The following DCAF6 variants were observed in gnomAD, a reference collection of about 807,000 sequenced individuals.
DCAF6 encodes the protein DDB1 and CUL4 associated factor 6.
In DCAF6, 54 loss-of-function variants were observed where a neutral mutation model predicts 125.1. The ratio of observed to expected loss-of-function variants is 0.43; its 90% CI spans 0.35 to 0.54. DCAF6 has a LOEUF of 0.54. DCAF6 is among the 20% of genes least tolerant of loss of function. The probability of loss-of-function intolerance (pLI) is 0.01; values close to 1 mark genes in which losing one functional copy is unlikely to be tolerated. For missense variants in DCAF6, 934 were observed against 1,161.7 expected (o/e 0.80, Z 2.85); for synonymous variants, 371 against 390.4 (o/e 0.95, Z 0.58).
chr1:167,947,826 A>C (rs1033044272), intron 1 of DCAF6, among the ~76,000 whole-genome samples: 1 of 152,176 alleles, frequency 6.6e-6, no homozygotes, highest in Non-Finnish European at 1.5e-5. Context: ...ATGCTGATGA[A>C]AATATTGTAT....
At chr1:168,074,215 C>T (rs1693526503) in intron 21 of DCAF6, among the ~76,000 whole-genome samples, 1 of 151,942 alleles carries the variant, frequency 6.6e-6, no homozygotes, top group Admixed American at 6.6e-5. Context: ...GTTCTTGGTG[C>T]TGTTGACCTA....
the DCAF6 span, among the ~76,000 whole-genome samples, chr1:167,882,552 A>G: frequency 6.6e-6 from 1 of 151,594 alleles, no homozygotes; most frequent in Admixed American, 6.6e-5. Flanking sequence ...CCTCCCTGCC[A>G]TGGATGAAAA....
In DCAF6 at chr1:167,958,891, A is replaced by G. The variant is rs78813840; in HGVS notation, c.159+7030A>G. Among the ~76,000 whole-genome samples, 818 of 152,314 alleles carry G rather than the reference A, an allele frequency of 5.4e-3. 22 individuals are homozygous for G. The highest frequency in any genetic ancestry group is 0.037 in the Admixed American group (566 of 15,300). ...AGCCTACATTAATACATCATAATCC[A>G]TCCAAAGTCCATAGTTTACAATAGG... On this transcript the variant is annotated intron_variant, in intron 2 of 21. Coordinates refer to ENST00000367840, the MANE Select transcript of DCAF6 (RefSeq NM_001198956.2).
chr1:167,870,441 CTCAA>C, the DCAF6 span: 1 of 1,563,580 alleles, frequency 6.4e-7, no homozygotes, highest in Non-Finnish European at 8.8e-7. Context: ...AAAGAGCAAA[CTCAA>C]TCAACGTAAA....
intron 1 of DCAF6, among the ~76,000 whole-genome samples, chr1:167,941,273 G>A (rs1052326702): frequency 6.6e-6 from 1 of 152,072 alleles, no homozygotes; most frequent in Non-Finnish European, 1.5e-5. Flanking sequence ...ATTCCTTAAG[G>A]CAGGACACCA....
At position 168,015,952 on chromosome 1, in the gene DCAF6, G is replaced by A; in HGVS notation, c.1549+1G>A. 2 of 1,480,030 alleles carry A rather than the reference G, an allele frequency of 1.4e-6. No individual in the cohort carries two copies. Among genetic ancestry groups the A allele is most frequent in the Admixed American group, 2.5e-5 (1 of 40,332 alleles). The allele number at this position is 1,480,030 out of a possible 1,614,324, so 91.7% of individuals were successfully genotyped here. A position where few individuals can be genotyped will look rare whatever the true frequency, so the allele number is the denominator to read the frequency against. On this transcript the variant is annotated splice_donor_variant, in intron 11 of 21. Transcript: ENST00000367840. LOFTEE classifies it high-confidence loss of function. ...TCTTCACAGGACCCTCATGCTTCAG[G>A]TTATTAATGTCAAGTGTCCTTAAGC...
intron 1 of DCAF6, among the ~76,000 whole-genome samples, chr1:167,951,234 G>A (rs142416798): frequency 1.3e-5 from 2 of 152,100 alleles, no homozygotes; most frequent in Non-Finnish European, 2.9e-5. Flanking sequence ...AGAAATGTAC[G>A]AGTGTTTATT....
At chr1:167,894,003 A>G in the DCAF6 span, 1 of 1,159,602 alleles carries the variant, frequency 8.6e-7, no homozygotes, top group East Asian at 2.4e-5. Context: ...AGTGCTAGTG[A>G]GAGGAGGCTC....
intron 2 of DCAF6, among the ~76,000 whole-genome samples, chr1:167,952,286 A>C (rs969951215): frequency 3.9e-5 from 6 of 151,922 alleles, no homozygotes; most frequent in African/African-American, 1.5e-4. Context: ...CTGCAAGCTC[A>C]GCCTCCCTGC....
intron 6 of DCAF6, among the ~76,000 whole-genome samples, chr1:167,992,059 G>T (rs1680908414): frequency 6.6e-6 from 1 of 152,076 alleles, no homozygotes; most frequent in African/African-American, 2.4e-5. Context: ...AGTGACTTGG[G>T]TATGTATTAA....
upstream of DCAF6, among the ~76,000 whole-genome samples, chr1:167,933,898 G>T (rs1670986033): frequency 6.6e-6 from 1 of 152,154 alleles, no homozygotes; most frequent in Non-Finnish European, 1.5e-5. Context: ...CAAACGCTGT[G>T]CTACATGTTT....
chr1:167,925,459 A>ATG, the DCAF6 span, among the ~76,000 whole-genome samples: 1 of 113,910 alleles, frequency 8.8e-6, no homozygotes, highest in African/African-American at 4.0e-5. Flanking sequence ...ATATATATAT[A>ATG]TATATATATA....
chr1:167,937,069 C>A, intron 1 of DCAF6, 61 bp downstream of exon 1: 1 of 1,418,036 alleles, frequency 7.1e-7, no homozygotes, highest in Non-Finnish European at 9.8e-7. Context: ...GGAGGGGGCA[C>A]GCTGCCGGGT....
intron 1 of DCAF6, among the ~76,000 whole-genome samples, chr1:167,944,620 A>G (rs1672776309): frequency 6.6e-6 from 1 of 152,030 alleles, no homozygotes; most frequent in East Asian, 1.9e-4. Flanking sequence ...ATGTCTATTC[A>G]TGTGTTTTGC....
chr1:168,066,612 G>T, intron 20 of DCAF6, 147 bp downstream of exon 20: 1 of 555,020 alleles, frequency 1.8e-6, no homozygotes. Flanking sequence ...GAAAAATTAA[G>T]ATAAAAGGAT....
chr1:167,887,305 A>C, the DCAF6 span, among the ~76,000 whole-genome samples: 1 of 152,244 alleles, frequency 6.6e-6, no homozygotes, highest in African/African-American at 2.4e-5. Flanking sequence ...CCAAATGTCC[A>C]TCAGTGGTAG....
chr1:168,027,779 A>G (rs1686536763), intron 12 of DCAF6, among the ~76,000 whole-genome samples: 1 of 152,140 alleles, frequency 6.6e-6, no homozygotes, highest in Non-Finnish European at 1.5e-5. Flanking sequence ...ACACAGTATT[A>G]AACTGGTTGA....
chr1:167,938,364 G>A (rs1671675893), intron 1 of DCAF6, among the ~76,000 whole-genome samples: 1 of 152,178 alleles, frequency 6.6e-6, no homozygotes, highest in Non-Finnish European at 1.5e-5. Context: ...TTCCATGGCA[G>A]TAAAAATAGA....
At chr1:168,072,072 T>C (rs1572189852) in intron 21 of DCAF6, among the ~76,000 whole-genome samples, 1 of 151,038 alleles carries the variant, frequency 6.6e-6, no homozygotes, top group Non-Finnish European at 1.5e-5. Context: ...CCGAGGCGGG[T>C]AGATCACGAG....
Sources: allele counts gnomAD v4.1 joint callset (sites outside exome capture counted in the v4.1 genomes callset), GRCh38; gene constraint gnomAD v4.1.1; transcripts MANE v1.5; gene names NCBI Gene and HGNC (gene_info 2026-07-23, HGNC 2026-07-21).